The following PRR16 variants were observed in gnomAD, a reference collection of about 807,000 sequenced individuals.
PRR16 encodes proline rich 16.
Under a neutral mutation model 18.2 loss-of-function variants are expected in PRR16, and 6 were observed. The ratio of observed to expected loss-of-function variants is 0.33; its 90% CI spans 0.18 to 0.65. The LOEUF is 0.65. Ranked by LOEUF, PRR16 falls within the 30% of genes least tolerant of loss-of-function variation. PRR16 has a pLI of 0.74. For missense variants in PRR16, 412 were observed against 376.6 expected (o/e 1.09, Z -0.78); for synonymous variants, 151 against 147.8 (o/e 1.02, Z -0.16).
the PRR16 span, among the ~76,000 whole-genome samples, chr5:120,771,122 G>T: frequency 6.6e-6 from 1 of 151,854 alleles, no homozygotes; most frequent in South Asian, 2.1e-4. Context: ...TATTTTTGTT[G>T]ACTAAGTAAA....
intron 1 of PRR16, among the ~76,000 whole-genome samples, chr5:120,569,317 G>A (rs913429992): frequency 2.0e-5 from 3 of 152,082 alleles, no homozygotes; most frequent in African/African-American, 4.8e-5. Context: ...AATACAGTTT[G>A]ATGCTCTGGA....
chr5:120,569,294 T>C (rs936199349), intron 1 of PRR16, among the ~76,000 whole-genome samples: 3 of 152,154 alleles, frequency 2.0e-5, no homozygotes, highest in Non-Finnish European at 4.4e-5. Flanking sequence ...ATAAAACTGA[T>C]ATACAAATAG....
chr5:120,662,490 GT>G (rs1756210472), intron 1 of PRR16, among the ~76,000 whole-genome samples: 1 of 151,826 alleles, frequency 6.6e-6, no homozygotes, highest in Non-Finnish European at 1.5e-5. Flanking sequence ...CTTTTAATAA[GT>G]GTATATCTTA....
intron 1 of PRR16, among the ~76,000 whole-genome samples, chr5:120,484,887 A>T (rs922539569): frequency 6.6e-6 from 1 of 151,482 alleles, no homozygotes; most frequent in Non-Finnish European, 1.5e-5. Context: ...AAGAGTATAC[A>T]TACATATATT....
intron 1 of PRR16, among the ~76,000 whole-genome samples, chr5:120,650,723 A>G (rs1489950304): frequency 6.6e-6 from 1 of 152,166 alleles, no homozygotes; most frequent in South Asian, 2.1e-4. Flanking sequence ...AATCCAGTCT[A>G]TCATTGTTGG....
At chr5:120,746,751 A>C in the PRR16 span, among the ~76,000 whole-genome samples, 1 of 152,028 alleles carries the variant, frequency 6.6e-6, no homozygotes, top group Admixed American at 6.6e-5. Flanking sequence ...CAGAGTTGAG[A>C]AACATTGTAA....
At chr5:120,605,340 A>T (rs1754120441) in intron 1 of PRR16, among the ~76,000 whole-genome samples, 1 of 152,228 alleles carries the variant, frequency 6.6e-6, no homozygotes, top group Admixed American at 6.5e-5. Context: ...AAATTGCATT[A>T]TTAAATTCCT....
At chr5:120,780,986 G>A in the PRR16 span, among the ~76,000 whole-genome samples, 1 of 152,178 alleles carries the variant, frequency 6.6e-6, no homozygotes, top group African/African-American at 2.4e-5. Flanking sequence ...GGAGGCGGAA[G>A]TTGCAGTGAG....
intron 1 of PRR16, among the ~76,000 whole-genome samples, chr5:120,619,408 G>C (rs1333350041): frequency 6.6e-6 from 1 of 152,114 alleles, no homozygotes; most frequent in Non-Finnish European, 1.5e-5. Context: ...ATTTATTATA[G>C]GGGCTATACA....
intron 1 of PRR16, among the ~76,000 whole-genome samples, chr5:120,671,398 AC>A (rs1324191901): frequency 6.6e-6 from 1 of 152,076 alleles, no homozygotes; most frequent in East Asian, 1.9e-4. Context: ...CTACCATCTT[AC>A]CTTTACATGC....
At chr5:120,547,983 G>A (rs1368257202) in intron 1 of PRR16, among the ~76,000 whole-genome samples, 1 of 151,974 alleles carries the variant, frequency 6.6e-6, no homozygotes, top group Non-Finnish European at 1.5e-5. Context: ...ACTTTATGAT[G>A]AATAACTATG....
At chr5:120,616,884 C>T (rs1754527773) in intron 1 of PRR16, among the ~76,000 whole-genome samples, 1 of 152,090 alleles carries the variant, frequency 6.6e-6, no homozygotes, top group Non-Finnish European at 1.5e-5. Flanking sequence ...ACTCACAATA[C>T]GTGGTCTTTC....
the PRR16 span, among the ~76,000 whole-genome samples, chr5:120,757,588 A>G: frequency 8.7e-4 from 133 of 152,188 alleles, no homozygotes; most frequent in Admixed American, 1.8e-3. Context: ...CAAGAAAATA[A>G]TTTAAATTTA....
chr5:120,661,695 C>G (rs951110027), intron 1 of PRR16, among the ~76,000 whole-genome samples: 1 of 152,004 alleles, frequency 6.6e-6, no homozygotes, highest in Non-Finnish European at 1.5e-5. Flanking sequence ...ACACTCTACT[C>G]TGTCCTCTGC....
At chr5:120,523,874 A>G (rs1751267547) in intron 1 of PRR16, among the ~76,000 whole-genome samples, 1 of 152,214 alleles carries the variant, frequency 6.6e-6, no homozygotes, top group Admixed American at 6.5e-5. Flanking sequence ...GGGGCAAAGA[A>G]GAAATAGATA....
intron 1 of PRR16, among the ~76,000 whole-genome samples, chr5:120,674,678 AATTTTT>A (rs1725871767): frequency 6.6e-6 from 1 of 151,950 alleles, no homozygotes. Flanking sequence ...TCAACCATGA[AATTTTT>A]ATTCTTCCAT....
chr5:120,638,150 G>A (rs1755301802), intron 1 of PRR16, among the ~76,000 whole-genome samples: 1 of 152,016 alleles, frequency 6.6e-6, no homozygotes. Context: ...ACAAAGCTTG[G>A]GCTGCGTTTT....
chr5:120,594,278 C>G (rs1753732436), intron 1 of PRR16, among the ~76,000 whole-genome samples: 1 of 150,776 alleles, frequency 6.6e-6, no homozygotes, highest in African/African-American at 2.4e-5. Context: ...ACAAGATCAA[C>G]GTCCAAAGTC....
At chr5:120,674,143 C>A (rs1756713131) in intron 1 of PRR16, among the ~76,000 whole-genome samples, 1 of 152,080 alleles carries the variant, frequency 6.6e-6, no homozygotes, top group African/African-American at 2.4e-5. Context: ...ACTGCTTTTT[C>A]TGCCATGTGT....
Sources: gnomAD v4.1 joint callset for allele counts (sites outside exome capture counted in the v4.1 genomes callset) on GRCh38, gnomAD v4.1.1 for gene constraint, MANE v1.5 for transcripts, NCBI Gene and HGNC (gene_info 2026-07-23, HGNC 2026-07-21) for gene names.